The following HYPK variants were observed in gnomAD, a reference collection of about 807,000 sequenced individuals.
HYPK encodes huntingtin-interacting protein K.
In HYPK, 9 loss-of-function variants were observed where a neutral mutation model predicts 13.9. The observed-to-expected ratio is 0.65, with a 90% CI of 0.39 to 1.13. HYPK has a LOEUF of 1.13. Ranked by LOEUF, HYPK falls within the 50% of genes most tolerant of loss-of-function variation. The pLI, the probability that HYPK is intolerant of heterozygous loss-of-function variation, is 0.01. For synonymous variants in HYPK, 76 were observed against 57.0 expected (o/e 1.33, Z -1.50); for missense variants, 138 against 157.6 (o/e 0.88, Z 0.67).
intron 1 of HYPK, 35 bp downstream of exon 1, chr15:43,800,819 A>G: frequency 6.4e-7 from 1 of 1,562,436 alleles, no homozygotes; most frequent in Non-Finnish European, 8.7e-7. Context: ...GGGCGGGCTG[A>G]GAGCAGAGGG....
In HYPK at chr15:43,800,694, G is replaced by A. The variant is rs2087301043; in HGVS notation, c.72G>A (p.Lys24=). ...GTGGACCAGAGCGGCCTCCGGAGAA[G>A]CCACGGAAACATGACAGCGGTGCGG... is the stretch of plus-strand genomic sequence containing the variant. ...ETSGPERPPE[K]PRKHDSGAAD... is the part of the protein sequence containing the mutation. The change falls in exon 1 of 4, where the codon AAG becomes AAA. Residue 24 remains lysine, a synonymous_variant. Transcript: ENST00000442995. 1.2e-6 allele frequency: 2 copies of A among 1,614,144 alleles called. No individual in the cohort carries two copies. Among genetic ancestry groups the A allele is most frequent in the East Asian group, 2.2e-5 (1 of 44,880 alleles).
At position 43,801,164 on chromosome 15, in the gene HYPK, G is replaced by A. The variant is rs768212428; in HGVS notation, c.195G>A (p.Arg65=). 1.2e-6 allele frequency: 2 copies of A among 1,614,032 alleles called. No homozygotes were observed. Among genetic ancestry groups the A allele is most frequent in the African/African-American group, 1.3e-5 (1 of 75,022 alleles). Reference sequence around the variant, plus strand: ...CTGTGATTGGAGACAGAAGGTCCCGGGAGCAGAAAGCCAAACAGGAGCGGT... The same window carrying A: ...CTGTGATTGGAGACAGAAGGTCCCGAGAGCAGAAAGCCAAACAGGAGCGGT... ...AMSVIGDRRS[R]EQKAKQEREK... The change falls in exon 2 of 4, where the codon CGG becomes CGA. Residue 65 remains arginine, a synonymous_variant. Transcript: ENST00000442995.
chr15:43,801,834 G>A lies in HYPK; in HGVS notation c.*28G>A. 1 of 1,599,572 alleles carries A rather than the reference G, an allele frequency of 6.3e-7. No homozygotes were observed. The highest frequency in any genetic ancestry group is 8.6e-7 in the Non-Finnish European group (1 of 1,168,066). On this transcript the variant is annotated 3_prime_UTR_variant, in exon 4 of 4. Coordinates refer to ENST00000442995, the MANE Select transcript of HYPK (RefSeq NM_016400.4). Reference sequence around the variant, plus strand: ...CGTGCTTTCTCAAATATACCTACTGGATTAATTTATGGCAATAAAATTTTT... The same window carrying A: ...CGTGCTTTCTCAAATATACCTACTGAATTAATTTATGGCAATAAAATTTTT...
upstream of HYPK, chr15:43,800,525 G>T: frequency 6.7e-7 from 1 of 1,503,256 alleles, no homozygotes; most frequent in Non-Finnish European, 9.1e-7. Flanking sequence ...AGAAGGTGTG[G>T]CCCAGGGCCA....
chr15:43,800,922 A>G (rs906874143), intron 1 of HYPK, 138 bp downstream of exon 1: 16 of 975,260 alleles, frequency 1.6e-5, no homozygotes, highest in Non-Finnish European at 2.4e-5. Flanking sequence ...CGAGGGAAAC[A>G]GCGGTCACCG....
Position 43,802,178 on chromosome 15 carries a change from T to G in HYPK, c.*372T>G. The G allele has an allele frequency of 5.0e-6, 1 of 200,650 alleles. No homozygotes were observed. The highest frequency in any genetic ancestry group is 1.0e-5 in the Non-Finnish European group (1 of 95,856). The allele number at this position is 200,650 out of a possible 1,614,324, so 12.4% of individuals were successfully genotyped here. On this transcript the variant is annotated 3_prime_UTR_variant, in exon 4 of 4. Coordinates refer to ENST00000442995, the MANE Select transcript of HYPK (RefSeq NM_016400.4). ...CCAGCTACCTGCCTAGGAGCCACTA[T>G]ATATATAGATAGATGTAGGTTATGA... is the stretch of plus-strand genomic sequence containing the variant.
rs2087327649 is a variant in HYPK at position 43,802,388 on chromosome 15, A to T, written c.*582A>T. ...AAGACCAGCCTGGCCAACATGTGAA[A>T]CCCCGTCTCCACTGAAAATAGAAAA... On this transcript the variant is annotated 3_prime_UTR_variant, in exon 4 of 4. Coordinates refer to ENST00000442995, the MANE Select transcript of HYPK (RefSeq NM_016400.4). The T allele has an allele frequency of 6.6e-6, 1 of 152,176 alleles. No homozygotes were observed. The highest frequency in any genetic ancestry group is 2.4e-5 in the African/African-American group (1 of 41,166). 9.4% of individuals were successfully genotyped at this position (152,176 alleles called of 1,614,324 possible).
rs771672897 is a variant in HYPK, at chr15:43,800,677, G to C, written c.55G>C (p.Glu19Gln). ...GTTGGAGACTGAGACCAGTGGACCA[G>C]AGCGGCCTCCGGAGAAGCCACGGAA... ...LELETETSGP[E>Q]RPPEKPRKHD... The change falls in exon 1 of 4, where the codon GAG becomes CAG. Residue 19 changes from glutamate to glutamine, a missense_variant. Transcript: ENST00000442995. The C allele has an allele frequency of 3.1e-6, 5 of 1,614,146 alleles. No homozygotes were observed. Among genetic ancestry groups the C allele is most frequent in the African/African-American group, 1.3e-5 (1 of 75,050 alleles).
chr15:43,801,128 A>G lies in HYPK; in HGVS notation c.163-4A>G, dbSNP rs1156816633. On this transcript the variant is annotated splice_region_variant and splice_polypyrimidine_tract_variant and intron_variant, in intron 1 of 3. Transcript: ENST00000442995. ...TGCAGTAACTAGACCTGCCTTTCCC[A>G]TAGGCCATGTCTGTGATTGGAGACA... The G allele has an allele frequency of 1.2e-6, 2 of 1,613,516 alleles. No individual in the cohort carries two copies. The highest frequency in any genetic ancestry group is 1.1e-5 in the South Asian group (1 of 91,074).
rs900650165 is a variant in HYPK, at chr15:43,801,931, A to G, written c.*125A>G. Reference sequence around the variant, plus strand: ...CTATATCCTATGTTGTGGAGAATTTATATGTTGGAGACTAACTGAATTTAA... The same window carrying G: ...CTATATCCTATGTTGTGGAGAATTTGTATGTTGGAGACTAACTGAATTTAA... On this transcript the variant is annotated 3_prime_UTR_variant, in exon 4 of 4. Transcript: ENST00000442995. 5.4e-6 allele frequency: 4 copies of G among 744,524 alleles called. No individual in the cohort carries two copies. The highest frequency in any genetic ancestry group is 8.9e-6 in the Non-Finnish European group (4 of 450,024). The allele number at this position is 744,524 out of a possible 1,614,324, so 46.1% of individuals were successfully genotyped here. A position where few individuals can be genotyped will look rare whatever the true frequency, so the allele number is the denominator to read the frequency against.
rs765808159 is a variant in HYPK, at chr15:43,804,014, G to A, written c.*2208G>A. Among the ~76,000 whole-genome samples the A allele has an allele frequency of 2.0e-4, 30 of 151,940 alleles. No individual in the cohort carries two copies. The highest frequency in any genetic ancestry group is 4.0e-4 in the Non-Finnish European group (27 of 67,992). On this transcript the variant is annotated 3_prime_UTR_variant, in exon 4 of 4. Coordinates refer to ENST00000442995, the MANE Select transcript of HYPK (RefSeq NM_016400.4). ...AAAAATACAAAAATTAGCCAGGCAT[G>A]GTGGCAGGCGCCTGTAGTCCCAGCT...
upstream of HYPK, chr15:43,800,512 G>T (rs765982225): frequency 1.4e-6 from 2 of 1,398,286 alleles, no homozygotes; most frequent in Non-Finnish European, 2.0e-6. Context: ...AACTGGAGCA[G>T]AAAGAAGGTG....
rs2087343496 is a variant in HYPK, at chr15:43,803,841, G to A, written c.*2035G>A. On this transcript the variant is annotated 3_prime_UTR_variant, in exon 4 of 4. Coordinates refer to ENST00000442995, the MANE Select transcript of HYPK (RefSeq NM_016400.4). ...GGACCAACTCACACATGTTGAACTA[G>A]TTTCCTCAACTATAAAACTGTGACG... Among the ~76,000 whole-genome samples, 1 of 150,482 alleles carries A rather than the reference G, an allele frequency of 6.6e-6. No homozygotes were observed. Among genetic ancestry groups the A allele is most frequent in the Non-Finnish European group, 1.5e-5 (1 of 67,764 alleles).
Position 43,802,586 on chromosome 15 carries a change from A to AAAAAAAAAAAAAAAAAAAG in HYPK, c.*785_*786insAAAAAAAAAAAAAGAAAAA, listed in dbSNP as rs2087330944. 6.9e-6 allele frequency: 1 copy of AAAAAAAAAAAAAAAAAAAG among 145,652 alleles called. No individual in the cohort carries two copies. The highest frequency in any genetic ancestry group is 1.5e-5 in the Non-Finnish European group (1 of 67,974). 9.0% of individuals were successfully genotyped at this position (145,652 alleles called of 1,614,324 possible). A position where few individuals can be genotyped will look rare whatever the true frequency, so the allele number is the denominator to read the frequency against. On this transcript the variant is annotated 3_prime_UTR_variant, in exon 4 of 4. Coordinates refer to ENST00000442995, the MANE Select transcript of HYPK (RefSeq NM_016400.4). ...CTCCATCTCAAAAAAAAAAAAAAAA[A>AAAAAAAAAAAAAAAAAAAG]AAAAAGCCCGGGCACAGTGGCTCAC... is the stretch of plus-strand genomic sequence containing the variant.
At chr15:43,800,556 G>C (rs1184595091), upstream of HYPK, 14 of 1,604,852 alleles carry the variant, frequency 8.7e-6, no homozygotes, top group Non-Finnish European at 1.1e-5. Flanking sequence ...CTCCCCGGGC[G>C]GAAGCTGTGT....
At position 43,802,747 on chromosome 15, in the gene HYPK, GTGCA is replaced by G. The variant is rs1251497257; in HGVS notation, c.*945_*948del. The G allele has an allele frequency of 1.3e-5, 2 of 152,110 alleles. No homozygotes were observed. Among genetic ancestry groups the G allele is most frequent in the Non-Finnish European group, 2.9e-5 (2 of 68,138 alleles). The allele number at this position is 152,110 out of a possible 1,614,324, so 9.4% of individuals were successfully genotyped here. A position where few individuals can be genotyped will look rare whatever the true frequency, so the allele number is the denominator to read the frequency against. Reference sequence around the variant, plus strand: ...AAAATAAAATTAGCCAGGCGTGGTGGTGCATGCCTGTAGTCCCAGCTACTCAGGA... The same window carrying G: ...AAAATAAAATTAGCCAGGCGTGGTGGTGCCTGTAGTCCCAGCTACTCAGGA... On this transcript the variant is annotated 3_prime_UTR_variant, in exon 4 of 4. Transcript: ENST00000442995.
rs1471059442 is a variant in HYPK, at chr15:43,801,519, GAGAA to G, written c.225_228del (p.Lys75AsnfsTer14). ...TAATATATTTAAATATTTTTGCAGG[GAGAA>G]AGAACTGGCAAAAGTCACTATCAAG... On this transcript the variant is annotated frameshift_variant and splice_region_variant, in exon 3 of 4. Coordinates refer to ENST00000442995, the MANE Select transcript of HYPK (RefSeq NM_016400.4). LOFTEE classifies it high-confidence loss of function. 7 of 1,612,812 alleles carry G rather than the reference GAGAA, an allele frequency of 4.3e-6. No individual in the cohort carries two copies. Among genetic ancestry groups the G allele is most frequent in the African/African-American group, 1.3e-5 (1 of 74,898 alleles).
Position 43,803,788 on chromosome 15 carries a change from CAAAAAA to C in HYPK, c.*1997_*2002del, listed in dbSNP as rs35814039. 2.0e-3 allele frequency among the ~76,000 whole-genome samples: 201 copies of C among 102,342 alleles called. 1 individual carries two copies. Among genetic ancestry groups the C allele is most frequent in the African/African-American group, 7.1e-3 (192 of 27,138 alleles). 67.1% of individuals were successfully genotyped at this position (102,342 alleles called of 152,430 possible). A position where few individuals can be genotyped will look rare whatever the true frequency, so the allele number is the denominator to read the frequency against. On this transcript the variant is annotated 3_prime_UTR_variant, in exon 4 of 4. Transcript: ENST00000442995. The stretch of plus-strand genomic sequence containing the variant: ...GGGCAACAAGAGTGAAACTCCATCT[CAAAAAA>C]AAAAAAAAAAAAAATCAGCTTGGAC...
Position 43,800,680 on chromosome 15 carries a change from C to G in HYPK, c.58C>G (p.Arg20Gly). The G allele has an allele frequency of 6.2e-7, 1 of 1,614,020 alleles. No homozygotes were observed. The highest frequency in any genetic ancestry group is 8.5e-7 in the Non-Finnish European group (1 of 1,179,986). ...GGAGACTGAGACCAGTGGACCAGAG[C>G]GGCCTCCGGAGAAGCCACGGAAACA... ...ELETETSGPE[R>G]PPEKPRKHDS... The change falls in exon 1 of 4, where the codon CGG becomes GGG. Residue 20 changes from arginine to glycine, a missense_variant. Arg to Gly is a moderately radical substitution (Grantham distance 125). Around this residue, in one of 3 missense-constraint regions of HYPK, gnomAD observed 43 missense variants for 30.4 expected, o/e 1.41. Coordinates refer to ENST00000442995, the MANE Select transcript of HYPK (RefSeq NM_016400.4).
Sources: gnomAD v4.1 joint callset for allele counts (sites outside exome capture counted in the v4.1 genomes callset) on GRCh38, gnomAD v4.1.1 for gene constraint, gnomAD v4.1.1 regional missense constraint, MANE v1.5 for transcripts, NCBI Gene and HGNC (gene_info 2026-07-23, HGNC 2026-07-21) for gene names.